The following KCNH6 variants were observed in gnomAD, a reference collection of about 807,000 sequenced individuals.
The protein encoded by KCNH6 is voltage-gated inwardly rectifying potassium channel KCNH6.
Under a neutral mutation model 83.4 loss-of-function variants are expected in KCNH6, and 81 were observed. The ratio of observed to expected loss-of-function variants is 0.97; its 90% CI spans 0.81 to 1.17. The LOEUF (loss-of-function observed/expected upper bound fraction) is 1.17, where lower values mean the gene tolerates loss of function less well. Ranked by LOEUF, KCNH6 falls within the 50% of genes most tolerant of loss-of-function variation. The pLI is 0.00. For synonymous variants in KCNH6, 503 were observed against 545.6 expected, an observed-to-expected ratio of 0.92 and a Z score of 1.09; for missense variants, 1,203 against 1,290.5, an observed-to-expected ratio of 0.93 and a Z score of 1.04.
intron 2 of KCNH6, among the ~76,000 whole-genome samples, chr17:63,525,517 G>A (rs573849156): frequency 2.6e-5 from 4 of 152,334 alleles, no homozygotes; most frequent in East Asian, 1.9e-4. Context: ...GATCGGGACC[G>A]AGGAGTGCTG....
At chr17:63,526,590 G>T (rs989718634) in intron 2 of KCNH6, among the ~76,000 whole-genome samples, 6 of 151,794 alleles carry the variant, frequency 4.0e-5, no homozygotes, top group Admixed American at 2.0e-4. Context: ...ATCCATTTTT[G>T]ACCATATTCA....
Position 63,535,878 on chromosome 17 carries a change from G to A in KCNH6, c.1311G>A (p.Leu437=). The change falls in exon 6 of 13, where the codon CTG becomes CTA. Residue 437 remains leucine, a synonymous_variant. Transcript: ENST00000314672. This position sits in a 1 kb window ranked among gnomAD's most constrained non-coding sequence, Gnocchi z 4.9. The stretch of plus-strand genomic sequence containing the variant: ...ACCTAGAACACAAGATCGGCTGGCT[G>A]GACAGCCTGGGTGTGCAGCTTGGCA... ...RPYLEHKIGW[L]DSLGVQLGKR... 6.2e-7 allele frequency: 1 copy of A among 1,614,130 alleles called. No homozygotes were observed. Among genetic ancestry groups the A allele is most frequent in the East Asian group, 2.2e-5 (1 of 44,884 alleles).
At chr17:63,536,650 G>GAA (rs140623480) in intron 6 of KCNH6, among the ~76,000 whole-genome samples, 6 of 148,496 alleles carry the variant, frequency 4.0e-5, no homozygotes, top group Admixed American at 1.3e-4. Context: ...TCTCAAAAAA[G>GAA]AAAAAAAAAT....
intron 2 of KCNH6, among the ~76,000 whole-genome samples, chr17:63,529,411 G>A (rs1245160770): frequency 5.3e-5 from 8 of 152,178 alleles, no homozygotes; most frequent in Non-Finnish European, 1.2e-4. Flanking sequence ...CAGCAGCCTG[G>A]TTCTGGCCCC....
rs1425475023 is a variant in KCNH6, at chr17:63,544,319, A to C, written c.2304A>C (p.Pro768=). ...CTGAGCTACTGCAGGAAATGCCCCC[A>C]AGGCACAGCCCCCAAAGCCCTCAGG... is the stretch of plus-strand genomic sequence containing the variant. ...LWPELLQEMP[P]RHSPQSPQED... Residue 768 remains proline, a synonymous_variant, in exon 11 of 13, where the codon CCA becomes CCC. Transcript: ENST00000314672. 2 of 1,612,054 alleles carry C rather than the reference A, an allele frequency of 1.2e-6. No individual in the cohort carries two copies. The highest frequency in any genetic ancestry group is 2.7e-5 in the African/African-American group (2 of 74,870).
chr17:63,545,832 C>T lies in KCNH6; in HGVS notation c.2807C>T (p.Ser936Phe). The T allele has an allele frequency of 6.2e-7, 1 of 1,614,114 alleles. No homozygotes were observed. The highest frequency in any genetic ancestry group is 8.5e-7 in the Non-Finnish European group (1 of 1,180,024). ...CFSSLPEHLG[S>F]VPKQLDFQRH... is the part of the protein sequence containing the mutation. ...TCCTCCCTCCCTGAACACCTTGGCTCTGTTCCCAAGCAGCTGGACTTCCAG... is the reference window on the plus strand; with the variant it reads ...TCCTCCCTCCCTGAACACCTTGGCTTTGTTCCCAAGCAGCTGGACTTCCAG... Residue 936 changes from serine (S) to phenylalanine (F), a missense_variant, in exon 13 of 13, where the codon TCT (serine) becomes TTT (phenylalanine). Coordinates refer to ENST00000314672, the MANE Select transcript of KCNH6 (RefSeq NM_001278919.2).
rs757021207 is a variant in KCNH6 at position 63,533,941 on chromosome 17, T to C, written c.731T>C (p.Ile244Thr). 5.6e-6 allele frequency: 9 copies of C among 1,614,042 alleles called. No individual in the cohort carries two copies. The highest frequency in any genetic ancestry group is 1.1e-5 in the South Asian group (1 of 91,084). Residue 244 changes from isoleucine (I) to threonine (T), a missense_variant, in exon 5 of 13, where the codon ATC (isoleucine) becomes ACC (threonine). By Grantham distance (89) the Ile-to-Thr change is moderately conservative (BLOSUM62 -1). Transcript: ENST00000314672. The surrounding 1 kb of genome is among the most constrained non-coding windows in gnomAD (Gnocchi z 4.1). ...LPEYKLQAPR[I>T]HRWTILHYSP... is the part of the protein sequence containing the mutation. ...GAGTACAAGCTGCAGGCGCCGCGCA[T>C]CCACCGCTGGACCATCCTGCACTAC...
At chr17:63,530,062 AC>A (rs1435189986) in intron 2 of KCNH6, 28 bp from the exon 3 acceptor site, 12 of 1,609,570 alleles carry the variant, frequency 7.5e-6, no homozygotes, top group South Asian at 1.1e-5. Context: ...TTCAGGGCCC[AC>A]CCCCCATCCT....
At chr17:63,532,625 G>T (rs1191782699) in intron 4 of KCNH6, among the ~76,000 whole-genome samples, 2 of 152,252 alleles carry the variant, frequency 1.3e-5, no homozygotes, top group Non-Finnish European at 2.9e-5. Flanking sequence ...TCAAGGGTTT[G>T]GATGTCAGAT....
intron 2 of KCNH6, 72 bp downstream of exon 2, chr17:63,524,441 T>C: frequency 7.3e-7 from 1 of 1,370,228 alleles, no homozygotes; most frequent in Non-Finnish European, 1.0e-6. Context: ...AGGGTGGCCT[T>C]GGGGAAGGCA....
intron 4 of KCNH6, among the ~76,000 whole-genome samples, chr17:63,532,618 A>G (rs2032196866): frequency 6.6e-6 from 1 of 152,232 alleles, no homozygotes; most frequent in Non-Finnish European, 1.5e-5. Flanking sequence ...GCCCCACTCA[A>G]GGGTTTGGAT....
At chr17:63,527,446 A>G (rs2031790956) in intron 2 of KCNH6, among the ~76,000 whole-genome samples, 1 of 152,208 alleles carries the variant, frequency 6.6e-6, no homozygotes, top group Admixed American at 6.5e-5. Flanking sequence ...TGAACGAAGG[A>G]GCACATTCAA....
Position 63,535,531 on chromosome 17 carries a change from T to C in KCNH6, c.1102-138T>C. ...TCCCATACTGTGCCACACTGCCAAG[T>C]GCGTGGCCCGGAGGAAGTTCTCCAT... On this transcript the variant is annotated intron_variant, in intron 5 of 12. Transcript: ENST00000314672. The surrounding 1 kb of genome is among the most constrained non-coding windows in gnomAD (Gnocchi z 4.9). 1.3e-6 allele frequency: 1 copy of C among 752,346 alleles called. No homozygotes were observed. The highest frequency in any genetic ancestry group is 3.1e-4 in the Middle Eastern group (1 of 3,254). 46.6% of individuals were successfully genotyped at this position (752,346 alleles called of 1,614,324 possible).
rs779809321 is a variant in KCNH6, at chr17:63,535,703, G to A, written c.1136G>A (p.Arg379Gln). 215 of 1,612,568 alleles carry A rather than the reference G, an allele frequency of 1.3e-4. 1 individual carries two copies. The highest frequency in any genetic ancestry group is 1.6e-4 in the Middle Eastern group (1 of 6,080). The part of the protein sequence containing the change: ...TTLIGLLKTA[R>Q]LLRLVRVARK... Reference sequence around the variant, plus strand: ...CTGATTGGGCTATTGAAGACAGCGCGGCTGCTGCGGCTGGTGCGCGTAGCA... The same window carrying A: ...CTGATTGGGCTATTGAAGACAGCGCAGCTGCTGCGGCTGGTGCGCGTAGCA... The change falls in exon 6 of 13, where the codon CGG becomes CAG. Residue 379 changes from arginine to glutamine, a missense_variant. Arg to Gln is a conservative substitution (Grantham distance 43, BLOSUM62 1). Transcript: ENST00000314672. This position sits in a 1 kb window ranked among gnomAD's most constrained non-coding sequence, Gnocchi z 4.9.
Position 63,535,717 on chromosome 17 carries a change from G to A in KCNH6, c.1150G>A (p.Val384Met), listed in dbSNP as rs747876443. 5.0e-6 allele frequency: 8 copies of A among 1,613,364 alleles called. No homozygotes were observed. In the East Asian group the frequency reaches 1.8e-4, roughly 36 times the overall value. ...LLKTARLLRL[V>M]RVARKLDRYS... ...GAAGACAGCGCGGCTGCTGCGGCTG[G>A]TGCGCGTAGCACGGAAGCTGGACCG... Residue 384 changes from valine to methionine, a missense_variant, in exon 6 of 13, where the codon GTG becomes ATG. Coordinates refer to ENST00000314672, the MANE Select transcript of KCNH6 (RefSeq NM_001278919.2). The surrounding 1 kb of genome is among the most constrained non-coding windows in gnomAD (Gnocchi z 4.9).
intron 6 of KCNH6, 60 bp downstream of exon 6, chr17:63,536,128 A>G (rs2032487071): frequency 1.4e-6 from 2 of 1,478,370 alleles, no homozygotes; most frequent in South Asian, 2.4e-5. Context: ...GTGAAATTTT[A>G]TGTGTAGTTT....
At chr17:63,543,199 G>A (rs1446367222) in intron 9 of KCNH6, among the ~76,000 whole-genome samples, 1 of 152,206 alleles carries the variant, frequency 6.6e-6, no homozygotes. Context: ...TAGGCCCTGT[G>A]CCCAGCTTCC....
chr17:63,535,941 G>C lies in KCNH6; in HGVS notation c.1374G>C (p.Ser458=), dbSNP rs149199127. Residue 458 remains serine (S), a synonymous_variant, in exon 6 of 13, where the codon TCG becomes TCC. Transcript: ENST00000314672. This position sits in a 1 kb window ranked among gnomAD's most constrained non-coding sequence, Gnocchi z 4.9. ...GCAGCGACCCAGCCTCGGGCCCCTC[G>C]GTGCAGGACAAGTATGTCACAGCCC... The part of the protein sequence containing the change: ...YNGSDPASGP[S]VQDKYVTALY... The C allele has an allele frequency of 6.2e-7, 1 of 1,613,908 alleles. No homozygotes were observed. The highest frequency in any genetic ancestry group is 8.5e-7 in the Non-Finnish European group (1 of 1,180,036).
chr17:63,526,543 G>C (rs144936143), intron 2 of KCNH6, among the ~76,000 whole-genome samples: 4 of 151,938 alleles, frequency 2.6e-5, no homozygotes, highest in African/African-American at 9.7e-5. Flanking sequence ...TTTTTGTAGG[G>C]ATGGGGGTCT....
Sources: gnomAD v4.1 joint callset for allele counts (sites outside exome capture counted in the v4.1 genomes callset) on GRCh38, gnomAD v4.1.1 for gene constraint, Gnocchi (gnomAD v3.1) non-coding constraint, MANE v1.5 for transcripts, NCBI Gene and HGNC (gene_info 2026-07-23, HGNC 2026-07-21) for gene names.